Variants in SEC24D observed in about 807,000 individuals in gnomAD.
The protein encoded by SEC24D is SEC24 homolog D, COPII component, also known as protein transport protein Sec24D.
A neutral mutation model predicts 116.9 loss-of-function variants in SEC24D; 69 were observed. That is an observed-to-expected ratio of 0.59 (90% CI 0.49 to 0.72). The LOEUF (loss-of-function observed/expected upper bound fraction) is 0.72. SEC24D is among the 30% of genes least tolerant of loss of function. SEC24D has a pLI of 0.00. For synonymous variants in SEC24D, 405 were observed against 442.8 expected (o/e 0.91, Z 1.07); for missense variants, 1,131 against 1,264.1 (o/e 0.89, Z 1.60).
Position 118,768,245 on chromosome 4 carries a change from T to G in SEC24D, c.1108A>C (p.Met370Leu). ...TCGATGAACTGCATAAATGGGCACA[T>G]GTAGGCCTTGCACCTGTTGCATCTG... Reference protein sequence around the residue: ...PVRCNRCKAYMCPFMQFIEGG... With the variant: ...PVRCNRCKAYLCPFMQFIEGG... The change falls in exon 9 of 23, where the codon ATG (methionine) becomes CTG (leucine). Residue 370 changes from methionine (M) to leucine (L), a missense_variant. Transcript: ENST00000280551. 1.9e-6 allele frequency: 3 copies of G among 1,613,818 alleles called. No individual in the cohort carries two copies. The highest frequency in any genetic ancestry group is 2.5e-6 in the Non-Finnish European group (3 of 1,179,750).
At chr4:118,737,237 T>C (rs1276455805) in intron 19 of SEC24D, among the ~76,000 whole-genome samples, 1 of 152,212 alleles carries the variant, frequency 6.6e-6, no homozygotes, top group African/African-American at 2.4e-5. Flanking sequence ...ATATTTGAGT[T>C]GACTAAAATG....
rs543585792 is a variant in SEC24D at position 118,744,095 on chromosome 4, A to T, written c.1888T>A (p.Cys630Ser). 3.1e-6 allele frequency: 5 copies of T among 1,613,612 alleles called. No homozygotes were observed. The African/African-American group carries it at 6.7e-5, about 22-fold the overall frequency. ...SLAKDCVAHGCSVTLFLFPSQ... is the reference protein window; with the variant it reads ...SLAKDCVAHGSSVTLFLFPSQ... Reference sequence around the variant, plus strand: ...GGAAAGAGGAAGAGTGTCACAGAGCAGCCGTGAGCCACGCAGTCCTTGGCC... The same window carrying T: ...GGAAAGAGGAAGAGTGTCACAGAGCTGCCGTGAGCCACGCAGTCCTTGGCC... Residue 630 changes from cysteine (C) to serine (S), a missense_variant, in exon 15 of 23, where the codon TGC (cysteine) becomes AGC (serine). Physicochemically the swap from Cys to Ser is moderately radical, Grantham distance 112 (BLOSUM62 -1). Transcript: ENST00000280551.
At chr4:118,777,558 C>T (rs1185984512) in intron 8 of SEC24D, among the ~76,000 whole-genome samples, 1 of 152,186 alleles carries the variant, frequency 6.6e-6, no homozygotes, top group Non-Finnish European at 1.5e-5. Context: ...GTGAACAGTG[C>T]CACAATAAAC....
At chr4:118,770,420 A>C (rs1727844917) in intron 8 of SEC24D, among the ~76,000 whole-genome samples, 1 of 152,222 alleles carries the variant, frequency 6.6e-6, no homozygotes, top group African/African-American at 2.4e-5. Context: ...CTGTTCAGGT[A>C]GCTTCCTCTG....
intron 19 of SEC24D, among the ~76,000 whole-genome samples, chr4:118,737,414 C>T (rs1247820370): frequency 6.6e-6 from 1 of 152,082 alleles, no homozygotes; most frequent in African/African-American, 2.4e-5. Context: ...TGTTTGTTTT[C>T]TTTCTTTGCC....
At position 118,817,525 on chromosome 4, in the gene SEC24D, A is replaced by G. The variant is rs183256649; in HGVS notation, c.249-113T>C. 340 of 770,712 alleles carry G rather than the reference A, an allele frequency of 4.4e-4. 1 individual carries two copies. The highest frequency in any genetic ancestry group is 3.5e-3 in the Middle Eastern group (13 of 3,720). 47.7% of individuals were successfully genotyped at this position (770,712 alleles called of 1,614,324 possible). A position where few individuals can be genotyped will look rare whatever the true frequency, so the allele number is the denominator to read the frequency against. ...TAAGCCTGTCTAGTAGGCCTAGGAA[A>G]ATGACTGATATTATATACTAAATCT... On this transcript the variant is annotated intron_variant, in intron 3 of 22. Transcript: ENST00000280551.
At chr4:118,800,800 T>G (rs1729399139) in intron 7 of SEC24D, among the ~76,000 whole-genome samples, 1 of 152,166 alleles carries the variant, frequency 6.6e-6, no homozygotes. Flanking sequence ...TATGCGACTT[T>G]CCAAAAGTCA....
intron 10 of SEC24D, among the ~76,000 whole-genome samples, chr4:118,763,465 A>C (rs1727485514): frequency 6.6e-6 from 1 of 152,246 alleles, no homozygotes; most frequent in South Asian, 2.1e-4. Context: ...TCTGTGGGTC[A>C]GAAGCTGTTT....
At position 118,752,887 on chromosome 4, in the gene SEC24D, C is replaced by T; in HGVS notation, c.1423G>A (p.Glu475Lys). The T allele has an allele frequency of 6.5e-7, 1 of 1,531,884 alleles. No homozygotes were observed. Among genetic ancestry groups the T allele is most frequent in the Non-Finnish European group, 8.7e-7 (1 of 1,146,200 alleles). The allele number at this position is 1,531,884 out of a possible 1,614,324, so 94.9% of individuals were successfully genotyped here. Residue 475 changes from glutamate to lysine, a missense_variant and splice_region_variant, in exon 12 of 23, where the codon GAA becomes AAA. Transcript: ENST00000280551. ...LKTMLEKIPK[E>K]EQEETSAIRV... is the part of the protein sequence containing the mutation. ...ATTGCAGACGTCTCTTCTTGCTCTT[C>T]CCTGTAAGGAAAAAAAAAAGTGTTT... is the stretch of plus-strand genomic sequence containing the variant.
Position 118,817,260 on chromosome 4 carries a change from T to C in SEC24D, c.397+4A>G, listed in dbSNP as rs1184695814. 3 of 1,595,160 alleles carry C rather than the reference T, an allele frequency of 1.9e-6. No individual in the cohort carries two copies. The highest frequency in any genetic ancestry group is 2.6e-6 in the Non-Finnish European group (3 of 1,173,778). On this transcript the variant is annotated splice_donor_region_variant and intron_variant, in intron 4 of 22. Transcript: ENST00000280551. ...TCAATAAACACTAATAATAAAACTA[T>C]TACCATAGCTGTTGATTTGCATAGC... is the stretch of plus-strand genomic sequence containing the variant.
intron 8 of SEC24D, among the ~76,000 whole-genome samples, chr4:118,782,093 G>A (rs534886599): frequency 5.3e-5 from 8 of 152,296 alleles, no homozygotes; most frequent in African/African-American, 1.4e-4. Flanking sequence ...CTGTCAATTC[G>A]TCAAAGTCAT....
chr4:118,738,546 TATG>T (rs1298102843), intron 18 of SEC24D, among the ~76,000 whole-genome samples, 167 bp from the exon 19 acceptor site: 10 of 152,194 alleles, frequency 6.6e-5, no homozygotes, highest in Admixed American at 2.0e-4. Flanking sequence ...CTTGACTAAA[TATG>T]ATGATCTAAC....
intron 6 of SEC24D, among the ~76,000 whole-genome samples, chr4:118,810,137 T>TGTGTGTGTGTGGGG (rs56961502): frequency 2.9e-5 from 3 of 104,396 alleles, no homozygotes; most frequent in East Asian, 2.9e-4. Context: ...TGTGTGTGTG[T>TGTGTGTGTGTGGGG]CAGAGGGTAT....
At chr4:118,754,309 A>T (rs933193956) in intron 11 of SEC24D, among the ~76,000 whole-genome samples, 1 of 152,110 alleles carries the variant, frequency 6.6e-6, no homozygotes, top group Non-Finnish European at 1.5e-5. Flanking sequence ...TTATGCAACT[A>T]ACCACTATGC....
intron 15 of SEC24D, among the ~76,000 whole-genome samples, chr4:118,741,477 C>T (rs1243714486): frequency 1.3e-5 from 2 of 152,202 alleles, no homozygotes; most frequent in Non-Finnish European, 2.9e-5. Context: ...AACCCCTTCT[C>T]CTAGCCCTGT....
chr4:118,826,180 T>C (rs931337366), intron 2 of SEC24D, among the ~76,000 whole-genome samples: 1 of 152,168 alleles, frequency 6.6e-6, no homozygotes, highest in Admixed American at 6.6e-5. Flanking sequence ...ATTATCCTTA[T>C]AGCACTACAC....
At chr4:118,756,577 AGCTCTAAGG>A (rs1354257885) in intron 11 of SEC24D, among the ~76,000 whole-genome samples, 1 of 152,110 alleles carries the variant, frequency 6.6e-6, no homozygotes, top group Non-Finnish European at 1.5e-5. Context: ...AGATTCATGG[AGCTCTAAGG>A]GCTGAAGCCA....
In SEC24D at chr4:118,738,317, C is replaced by A; in HGVS notation, c.2440G>T (p.Ala814Ser). 1 of 1,613,634 alleles carries A rather than the reference C, an allele frequency of 6.2e-7. No individual in the cohort carries two copies. The highest frequency in any genetic ancestry group is 8.5e-7 in the Non-Finnish European group (1 of 1,179,652). Residue 814 changes from alanine (A) to serine (S), a missense_variant, in exon 19 of 23, where the codon GCC becomes TCC. By Grantham distance (99) the Ala-to-Ser change is moderately conservative. Coordinates refer to ENST00000280551, the MANE Select transcript of SEC24D (RefSeq NM_014822.4). ...VIREILVNQT[A>S]HMLACYRKNC... ...TTCCGGTAACATGCCAACATATGGGCAGTCTGATTAACTAGAATTTCCCGG... is the reference window on the plus strand; with the variant it reads ...TTCCGGTAACATGCCAACATATGGGAAGTCTGATTAACTAGAATTTCCCGG...
chr4:118,783,701 T>C (rs1728534643), intron 8 of SEC24D, among the ~76,000 whole-genome samples: 1 of 152,232 alleles, frequency 6.6e-6, no homozygotes, highest in African/African-American at 2.4e-5. Context: ...CAGGAGTGAT[T>C]ATACAAGTAT....
Sources: allele counts gnomAD v4.1 joint callset (sites outside exome capture counted in the v4.1 genomes callset), GRCh38; gene constraint gnomAD v4.1.1; transcripts MANE v1.5; gene names NCBI Gene and HGNC (gene_info 2026-07-23, HGNC 2026-07-21).